Variants in HCRTR2 observed in about 807,000 individuals in gnomAD.
HCRTR2 encodes hypocretin receptor 2.
Under a neutral mutation model 49.0 loss-of-function variants are expected in HCRTR2, and 22 were observed. The observed-to-expected ratio is 0.45, with a 90% CI of 0.32 to 0.64. HCRTR2 has a LOEUF of 0.64. Among genes scored for constraint, HCRTR2 ranks in the 30% least tolerant of loss-of-function variants. The pLI is 0.04. For synonymous variants in HCRTR2, 236 were observed against 205.3 expected (o/e 1.15, Z -1.28); for missense variants, 491 against 559.4 (o/e 0.88, Z 1.23).
chr6:55,261,536 C>G (rs1055555805), intron 3 of HCRTR2, among the ~76,000 whole-genome samples: 2 of 152,080 alleles, frequency 1.3e-5, no homozygotes, highest in African/African-American at 4.8e-5. Context: ...TCCCAAAGTA[C>G]TGGGATTACA....
At chr6:55,133,466 A>T (rs1004927649) in intron 1 of HCRTR2, among the ~76,000 whole-genome samples, 2 of 151,842 alleles carry the variant, frequency 1.3e-5, no homozygotes, top group Non-Finnish European at 3.0e-5. Flanking sequence ...ACAAATGTCC[A>T]AAGTAAAATT....
At chr6:55,235,481 A>G (rs1766196872) in intron 1 of HCRTR2, among the ~76,000 whole-genome samples, 1 of 152,082 alleles carries the variant, frequency 6.6e-6, no homozygotes, top group Admixed American at 6.6e-5. Context: ...TCCTCTTTTG[A>G]TATACCCTAA....
chr6:55,208,004 A>G (rs191367376), intron 1 of HCRTR2, among the ~76,000 whole-genome samples: 5 of 152,270 alleles, frequency 3.3e-5, no homozygotes, highest in Admixed American at 2.0e-4. Flanking sequence ...CTTCCTTGGA[A>G]CTAGCTGAGC....
chr6:55,232,573 G>C (rs1419038384), intron 1 of HCRTR2, among the ~76,000 whole-genome samples: 1 of 152,156 alleles, frequency 6.6e-6, no homozygotes, highest in Non-Finnish European at 1.5e-5. Flanking sequence ...ATCAAATACA[G>C]ATTAACTTTT....
intron 1 of HCRTR2, among the ~76,000 whole-genome samples, chr6:55,206,572 G>A (rs796916870): frequency 2.6e-5 from 4 of 151,744 alleles, no homozygotes; most frequent in East Asian, 1.9e-4. Context: ...GGAGTATAGC[G>A]AAAAATAGCA....
rs1162072492 is a variant in HCRTR2 at position 55,273,729 on chromosome 6, A to ACTTTTTGCTTTGAATG, written c.763-3636_763-3635insGCTTTTTGCTTTGAAT. On this transcript the variant is annotated intron_variant, in intron 4 of 6. Transcript: ENST00000370862. ...ACTTTCTTCCTACTTTGATTTGAAT[A>ACTTTTTGCTTTGAATG]CTTTTTGCTTTGAATACTTACCTTT... Among the ~76,000 whole-genome samples, 11 of 152,222 alleles carry ACTTTTTGCTTTGAATG rather than the reference A, an allele frequency of 7.2e-5. No individual in the cohort carries two copies. The East Asian group carries it at 1.9e-3, about 27-fold the overall frequency.
Position 55,282,291 on chromosome 6 carries a change from A to T in HCRTR2, c.1172A>T (p.Glu391Val), listed in dbSNP as rs1291588267. 53 of 1,613,792 alleles carry T rather than the reference A, an allele frequency of 3.3e-5. No individual in the cohort carries two copies. Among genetic ancestry groups the T allele is most frequent in the Non-Finnish European group, 4.5e-5 (53 of 1,179,950 alleles). ...CCCLGVHHRQEDRLTRGRTST... is the reference protein window; with the variant it reads ...CCCLGVHHRQVDRLTRGRTST... ...TGCCTTGGAGTTCACCATCGCCAGG[A>T]GGATCGGCTCACCAGGGGACGAACT... Residue 391 changes from glutamate to valine, a missense_variant, in exon 7 of 7, where the codon GAG becomes GTG. Coordinates refer to ENST00000370862, the MANE Select transcript of HCRTR2 (RefSeq NM_001384272.1).
At chr6:55,165,854 T>C (rs950051295) in intron 1 of HCRTR2, among the ~76,000 whole-genome samples, 1 of 143,630 alleles carries the variant, frequency 7.0e-6, no homozygotes, top group Admixed American at 7.1e-5. Flanking sequence ...TAAATAGCTA[T>C]TAGTTCTCCA....
At chr6:55,273,037 A>T (rs1767004336) in intron 4 of HCRTR2, among the ~76,000 whole-genome samples, 2 of 152,022 alleles carry the variant, frequency 1.3e-5, no homozygotes. Flanking sequence ...TGATGTTAAG[A>T]AAAGGAACAA....
intron 1 of HCRTR2, among the ~76,000 whole-genome samples, chr6:55,235,125 A>G (rs1231912541): frequency 6.6e-6 from 1 of 152,178 alleles, no homozygotes; most frequent in South Asian, 2.1e-4. Flanking sequence ...ACAGATAACA[A>G]TTAATCTATG....
chr6:55,156,593 G>GCA (rs143391168), intron 1 of HCRTR2, among the ~76,000 whole-genome samples: 63 of 146,188 alleles, frequency 4.3e-4, no homozygotes, highest in South Asian at 2.6e-3. Context: ...ACACACACAA[G>GCA]CACACACACA....
chr6:55,194,068 A>G (rs576001499), intron 1 of HCRTR2, among the ~76,000 whole-genome samples: 2 of 152,280 alleles, frequency 1.3e-5, no homozygotes, highest in Admixed American at 6.5e-5. Context: ...CCGTGATCAT[A>G]GATAGTTGAG....
intron 1 of HCRTR2, among the ~76,000 whole-genome samples, chr6:55,233,447 CA>C (rs1766155400): frequency 6.6e-6 from 1 of 151,378 alleles, no homozygotes; most frequent in African/African-American, 2.4e-5. Flanking sequence ...ATTTGAACGT[CA>C]AAAATTCTGA....
At chr6:55,189,881 C>A (rs1330955498) in intron 1 of HCRTR2, among the ~76,000 whole-genome samples, 1 of 152,044 alleles carries the variant, frequency 6.6e-6, no homozygotes, top group Non-Finnish European at 1.5e-5. Flanking sequence ...TATATATCAA[C>A]TGTAGTGTAT....
chr6:55,139,275 G>A (rs909275449), intron 1 of HCRTR2, among the ~76,000 whole-genome samples: 1 of 152,158 alleles, frequency 6.6e-6, no homozygotes, highest in Admixed American at 6.5e-5. Context: ...ACGTATGAGA[G>A]ACTAAGTTTA....
At chr6:55,112,372 T>G (rs2127611029) in intron 1 of HCRTR2, among the ~76,000 whole-genome samples, 1 of 152,000 alleles carries the variant, frequency 6.6e-6, no homozygotes, top group East Asian at 1.9e-4. Context: ...TTGCCAGTGA[T>G]ATGATTGTAT....
At chr6:55,151,616 C>G (rs927967475) in intron 1 of HCRTR2, among the ~76,000 whole-genome samples, 6 of 151,978 alleles carry the variant, frequency 3.9e-5, no homozygotes, top group South Asian at 4.1e-4. Context: ...GGGCTGGAAT[C>G]AGCTTCTTCC....
At chr6:55,275,286 A>C (rs191299848) in intron 4 of HCRTR2, among the ~76,000 whole-genome samples, 47 of 152,272 alleles carry the variant, frequency 3.1e-4, no homozygotes, top group African/African-American at 1.1e-3. Flanking sequence ...GGGTGCATGT[A>C]TTTTACTTAA....
At chr6:55,204,279 T>C (rs1357823387) in intron 1 of HCRTR2, among the ~76,000 whole-genome samples, 2 of 152,182 alleles carry the variant, frequency 1.3e-5, no homozygotes, top group African/African-American at 4.8e-5. Flanking sequence ...ATGTGTGTTC[T>C]ACACCATTAC....
Sources: gnomAD v4.1 joint callset for allele counts (sites outside exome capture counted in the v4.1 genomes callset) on GRCh38, gnomAD v4.1.1 for gene constraint, MANE v1.5 for transcripts, NCBI Gene and HGNC (gene_info 2026-07-23, HGNC 2026-07-21) for gene names.